FBRS: variants seen among roughly 807,000 people sequenced by gnomAD.
FBRS encodes the protein fibrosin, also known as probable fibrosin-1.
Under a neutral mutation model 86.1 loss-of-function variants are expected in FBRS, and 15 were observed. That is an observed-to-expected ratio of 0.17 (90% CI 0.12 to 0.27). The LOEUF is 0.27. FBRS is among the 10% of genes least tolerant of loss of function. FBRS has a pLI of 1.00. For missense variants in FBRS, 1,367 were observed against 1,301.6 expected (o/e 1.05, Z -0.77); for synonymous variants, 666 against 575.8 (o/e 1.16, Z -2.24).
intron 2 of FBRS, among the ~76,000 whole-genome samples, chr16:30,660,946 A>G (rs544071029): frequency 6.6e-6 from 1 of 152,278 alleles, no homozygotes; most frequent in Non-Finnish European, 1.5e-5. Flanking sequence ...GAAGTTTGCT[A>G]AGAAAAGACA....
At chr16:30,668,202 C>T (rs1045449815) in intron 15 of FBRS, 23 of 275,874 alleles carry the variant, frequency 8.3e-5, no homozygotes, top group Non-Finnish European at 1.2e-4. Flanking sequence ...TGGGTCCAGG[C>T]GGCTGGTGTT....
chr16:30,668,325 T>G, intron 15 of FBRS: 1 of 521,016 alleles, frequency 1.9e-6, no homozygotes, highest in Non-Finnish European at 3.4e-6. Flanking sequence ...CTCTCTGTTT[T>G]ATCATCTTCA....
chr16:30,662,906 T>G lies in FBRS; in HGVS notation c.1055+47T>G, dbSNP rs578103993. ...ATGCGGTCCGGAAGGGCCTGGTCAG[T>G]TTGGTGGCGGGGACACAGGATGGTA... On this transcript the variant is annotated intron_variant, in intron 6 of 17. Coordinates refer to ENST00000356166, the MANE Select transcript of FBRS (RefSeq NM_001105079.3). 8.7e-5 allele frequency: 121 copies of G among 1,393,792 alleles called. No homozygotes were observed. The African/African-American group carries it at 1.6e-3, about 19-fold the overall frequency. 86.3% of individuals were successfully genotyped at this position (1,393,792 alleles called of 1,614,324 possible). A position where few individuals can be genotyped will look rare whatever the true frequency, so the allele number is the denominator to read the frequency against.
intron 2 of FBRS, 141 bp from the exon 3 acceptor site, chr16:30,661,039 G>T: frequency 7.6e-7 from 1 of 1,320,458 alleles, no homozygotes; most frequent in Non-Finnish European, 1.0e-6. Context: ...TGGGACCCGG[G>T]TGGGCAGTGG....
chr16:30,659,850 A>G lies in FBRS; in HGVS notation c.332A>G (p.Glu111Gly). Residue 111 changes from glutamate (E) to glycine (G), a missense_variant, in exon 1 of 18, where the codon GAG becomes GGG. Glu to Gly is a moderately conservative substitution (Grantham distance 98). This residue lies in a region of FBRS where 702 missense variants were observed against 598.7 expected (regional missense o/e 1.17). Coordinates refer to ENST00000356166, the MANE Select transcript of FBRS (RefSeq NM_001105079.3). ...GGCAGCCGCGGGGAGGAAGAGGAGG[A>G]GGAGGAGGAGGAGGGGGGCGCAGAC... ...GSGSRGEEEE[E>G]EEEEGGADDG... The G allele has an allele frequency of 6.5e-7, 1 of 1,534,804 alleles. No individual in the cohort carries two copies. Among genetic ancestry groups the G allele is most frequent in the South Asian group, 1.2e-5 (1 of 83,814 alleles).
At chr16:30,666,697 C>T (rs987656955) in intron 12 of FBRS, among the ~76,000 whole-genome samples, 156 bp downstream of exon 12, 1 of 152,146 alleles carries the variant, frequency 6.6e-6, no homozygotes. Context: ...AGTTGCAGAC[C>T]TGGGCTCGGA....
chr16:30,661,236 C>T (rs1033847746), intron 3 of FBRS, 21 bp downstream of exon 3: 11 of 1,550,750 alleles, frequency 7.1e-6, no homozygotes, highest in Non-Finnish European at 9.6e-6. Context: ...TCCACCTGTC[C>T]TGGCCCCTCC....
At chr16:30,664,177 T>A (rs1258460159) in intron 6 of FBRS, 38 bp from the exon 7 acceptor site, 1 of 1,255,638 alleles carries the variant, frequency 8.0e-7, no homozygotes, top group African/African-American at 1.7e-5. Flanking sequence ...AGCTGGCACC[T>A]CCCAACCCCT....
At position 30,664,491 on chromosome 16, in the gene FBRS, G is replaced by A. The variant is rs2052498615; in HGVS notation, c.1332G>A (p.Gly444=). 7.1e-7 allele frequency: 1 copy of A among 1,413,216 alleles called. No individual in the cohort carries two copies. Among genetic ancestry groups the A allele is most frequent in the Non-Finnish European group, 9.2e-7 (1 of 1,085,080 alleles). 87.5% of individuals were successfully genotyped at this position (1,413,216 alleles called of 1,614,324 possible). The change falls in exon 7 of 18, where the codon GGG becomes GGA. Residue 444 remains glycine (G), a synonymous_variant. Transcript: ENST00000356166. ...PPLLQVPGHP[G]ASAANALSEQ... ...TGCTGCAGGTGCCAGGGCACCCTGG[G>A]GCCTCAGCCGCTAACGCCCTTTCTG...
intron 2 of FBRS, among the ~76,000 whole-genome samples, chr16:30,660,965 A>C (rs956531408): frequency 6.6e-6 from 1 of 152,100 alleles, no homozygotes; most frequent in African/African-American, 2.4e-5. Flanking sequence ...CACGGGGAAA[A>C]GTTGTTTTGG....
Position 30,665,381 on chromosome 16 carries a change from C to G in FBRS, c.1684C>G (p.Gln562Glu). The G allele has an allele frequency of 3.2e-6, 5 of 1,570,502 alleles. No homozygotes were observed. The highest frequency in any genetic ancestry group is 4.3e-6 in the Non-Finnish European group (5 of 1,158,228). Residue 562 changes from glutamine (Q) to glutamate (E), a missense_variant, in exon 10 of 18, where the codon CAG (glutamine) becomes GAG (glutamate). By Grantham distance (29) the Gln-to-Glu change is conservative (BLOSUM62 2). Around this residue, in one of 3 missense-constraint regions of FBRS, gnomAD observed 659 missense variants for 678.8 expected, o/e 0.97. Coordinates refer to ENST00000356166, the MANE Select transcript of FBRS (RefSeq NM_001105079.3). The surrounding 1 kb of genome is among the most constrained non-coding windows in gnomAD (Gnocchi z 4.1). ...LPPAVSFGSL[Q>E]GAFQPKSTNP... ...GCCGGCCGTCTCCTTTGGCTCCCTG[C>G]AGGGGGCCTTCCAGCCCAAGGTGAG...
chr16:30,662,932 C>T, intron 6 of FBRS, 73 bp downstream of exon 6: 2 of 1,359,876 alleles, frequency 1.5e-6, no homozygotes, highest in Admixed American at 3.6e-5. Context: ...CAGGATGGTA[C>T]CTGTGGGGTA....
rs1300268207 is a variant in FBRS, at chr16:30,668,885, G to T, written c.2272G>T (p.Val758Phe). Residue 758 changes from valine (V) to phenylalanine (F), a missense_variant, in exon 17 of 18, where the codon GTC becomes TTC. Val to Phe is a conservative substitution (Grantham distance 50). Coordinates refer to ENST00000356166, the MANE Select transcript of FBRS (RefSeq NM_001105079.3). ...CAGTCCTCTGACCTTTCCTGCCTGG[G>T]TCCGGCCCCCTGAGGCCGCCCGGAC... ...HRSPLTFPAWVRPPEAARTPG... is the reference protein window; with the variant it reads ...HRSPLTFPAWFRPPEAARTPG... The T allele has an allele frequency of 6.3e-7, 1 of 1,587,090 alleles. No individual in the cohort carries two copies. The highest frequency in any genetic ancestry group is 8.5e-7 in the Non-Finnish European group (1 of 1,170,648).
rs2151274808 is a variant in FBRS at position 30,670,266 on chromosome 16, G to A, written c.*621G>A. The stretch of plus-strand genomic sequence containing the variant: ...GGAAGAGCCGGGAAGGGACAGTCAG[G>A]CTTCTCCCTGGGAAGGTGGGGCCAG... On this transcript the variant is annotated 3_prime_UTR_variant, in exon 18 of 18. Coordinates refer to ENST00000356166, the MANE Select transcript of FBRS (RefSeq NM_001105079.3). 2.2e-6 allele frequency: 1 copy of A among 452,502 alleles called. No individual in the cohort carries two copies. Among genetic ancestry groups the A allele is most frequent in the South Asian group, 1.6e-5 (1 of 64,160 alleles). 28.0% of individuals were successfully genotyped at this position (452,502 alleles called of 1,614,324 possible).
chr16:30,665,618 C>G lies in FBRS; in HGVS notation c.1705-20C>G. On this transcript the variant is annotated intron_variant, in intron 10 of 17. Transcript: ENST00000356166. This position sits in a 1 kb window ranked among gnomAD's most constrained non-coding sequence, Gnocchi z 4.1. ...TTGGTGCCAGCTCTCCTGTCTGATC[C>G]CTCCACTCCCCTTTCCCAGAGCACG... is the stretch of plus-strand genomic sequence containing the variant. 6.4e-7 allele frequency: 1 copy of G among 1,573,664 alleles called. No individual in the cohort carries two copies. Among genetic ancestry groups the G allele is most frequent in the African/African-American group, 1.3e-5 (1 of 74,206 alleles).
In FBRS at chr16:30,665,684, G is replaced by A; in HGVS notation, c.1751G>A (p.Gly584Glu). ...CCACGACTGGGGCCGGTGCCGAGCG[G>A]GCTCTCCCAGAAGGGGACACAGGTG... ...LPPRLGPVPS[G>E]LSQKGTQIPD... Residue 584 changes from glycine (G) to glutamate (E), a missense_variant, in exon 11 of 18, where the codon GGG (glycine) becomes GAG (glutamate). Around this residue, in one of 3 missense-constraint regions of FBRS, gnomAD observed 659 missense variants for 678.8 expected, o/e 0.97. Coordinates refer to ENST00000356166, the MANE Select transcript of FBRS (RefSeq NM_001105079.3). The surrounding 1 kb of genome is among the most constrained non-coding windows in gnomAD (Gnocchi z 4.1). 6.3e-7 allele frequency: 1 copy of A among 1,588,036 alleles called. No individual in the cohort carries two copies. The highest frequency in any genetic ancestry group is 8.6e-7 in the Non-Finnish European group (1 of 1,167,444).
Position 30,662,753 on chromosome 16 carries a change from A to C in FBRS, c.949A>C (p.Thr317Pro). 1.3e-6 allele frequency: 2 copies of C among 1,524,160 alleles called. No homozygotes were observed. The highest frequency in any genetic ancestry group is 1.8e-6 in the Non-Finnish European group (2 of 1,130,900). The allele number at this position is 1,524,160 out of a possible 1,614,324, so 94.4% of individuals were successfully genotyped here. A position where few individuals can be genotyped will look rare whatever the true frequency, so the allele number is the denominator to read the frequency against. ...PVSPPAPLPA[T>P]PSLPPPPQPQ... ...CTCACCCCCTGCACCCCTGCCGGCC[A>C]CTCCCAGTCTGCCACCCCCACCCCA... Residue 317 changes from threonine to proline, a missense_variant, in exon 6 of 18, where the codon ACT (threonine) becomes CCT (proline). Coordinates refer to ENST00000356166, the MANE Select transcript of FBRS (RefSeq NM_001105079.3).
Position 30,664,284 on chromosome 16 carries a change from G to C in FBRS, c.1125G>C (p.Ser375=). Residue 375 remains serine, a synonymous_variant, in exon 7 of 18, where the codon TCG becomes TCC. Coordinates refer to ENST00000356166, the MANE Select transcript of FBRS (RefSeq NM_001105079.3). ...AGCCTCCCCCCTCATCATCCTCTTC[G>C]TCCTCCTCCTCCTCATCTGCCTCCT... The part of the protein sequence containing the change: ...VAQPPPSSSS[S]SSSSSSASSS... 3 of 1,415,426 alleles carry C rather than the reference G, an allele frequency of 2.1e-6. No individual in the cohort carries two copies. Among genetic ancestry groups the C allele is most frequent in the East Asian group, 2.8e-5 (1 of 35,252 alleles). The allele number at this position is 1,415,426 out of a possible 1,614,324, so 87.7% of individuals were successfully genotyped here.
chr16:30,670,727 C>T lies in FBRS; in HGVS notation c.*1082C>T, dbSNP rs1438682988. On this transcript the variant is annotated 3_prime_UTR_variant, in exon 18 of 18. Transcript: ENST00000356166. ...AGGCAGGGGTCAATCTAACAAAACC[C>T]TAACGTTGACTTTTTTCCCTGGTGG... 6.4e-6 allele frequency: 1 copy of T among 155,384 alleles called. No individual in the cohort carries two copies. The highest frequency in any genetic ancestry group is 2.4e-5 in the African/African-American group (1 of 41,460). The allele number at this position is 155,384 out of a possible 1,614,324, so 9.6% of individuals were successfully genotyped here.
Sources: gnomAD v4.1 joint callset for allele counts (sites outside exome capture counted in the v4.1 genomes callset) on GRCh38, gnomAD v4.1.1 for gene constraint, gnomAD v4.1.1 regional missense constraint, Gnocchi (gnomAD v3.1) non-coding constraint, MANE v1.5 for transcripts, NCBI Gene and HGNC (gene_info 2026-07-23, HGNC 2026-07-21) for gene names.